The following IL2RA variants were observed in gnomAD, a reference collection of about 807,000 sequenced individuals.
IL2RA encodes the protein interleukin 2 receptor subunit alpha.
Under a neutral mutation model 37.8 loss-of-function variants are expected in IL2RA, and 24 were observed. The ratio of observed to expected loss-of-function variants is 0.63; its 90% confidence interval spans 0.46 to 0.89. The LOEUF (loss-of-function observed/expected upper bound fraction) is 0.89. Among genes scored for constraint, IL2RA ranks in the 40% least tolerant of loss-of-function variants. The pLI is 0.00. For synonymous variants in IL2RA, 125 were observed against 114.6 expected (o/e 1.09, Z -0.58); for missense variants, 319 against 348.6 (o/e 0.92, Z 0.68).
chr10:6,060,774 T>TG (rs1333261619), intron 1 of IL2RA, among the ~76,000 whole-genome samples: 1 of 148,106 alleles, frequency 6.8e-6, no homozygotes. Flanking sequence ...AAAAAAAAAA[T>TG]AAATAAAAAT....
At chr10:6,030,897 A>G (rs1010593038) in intron 1 of IL2RA, among the ~76,000 whole-genome samples, 14 of 152,170 alleles carry the variant, frequency 9.2e-5, no homozygotes, top group African/African-American at 3.4e-4. Context: ...CATATAGAAA[A>G]TGGTACAATA....
At chr10:6,041,227 G>C (rs1276260387) in intron 1 of IL2RA, among the ~76,000 whole-genome samples, 1 of 147,780 alleles carries the variant, frequency 6.8e-6, no homozygotes, top group Admixed American at 7.0e-5. Flanking sequence ...AGGCCATTCT[G>C]CCTCAGTCTC....
At chr10:6,016,066 C>T (rs925614247) in intron 7 of IL2RA, among the ~76,000 whole-genome samples, 7 of 152,152 alleles carry the variant, frequency 4.6e-5, no homozygotes, top group Non-Finnish European at 8.8e-5. Flanking sequence ...AATACATCCC[C>T]CAGAGCTCAG....
At position 6,024,342 on chromosome 10, in the gene IL2RA, G is replaced by A; in HGVS notation, c.269C>T (p.Thr90Ile). The change falls in exon 3 of 8, where the codon ACA becomes ATA. Residue 90 changes from threonine to isoleucine, a missense_variant. Thr to Ile is a moderately conservative substitution (Grantham distance 89). Transcript: ENST00000379959. ...CQCTSSATRN[T>I]TKQVTPQPEE... ...AGGTTGAGGTGTCACTTGTTTCGTTGTGTTCCGAGTGGCTAGAAAATATAG... is the reference window on the plus strand; with the variant it reads ...AGGTTGAGGTGTCACTTGTTTCGTTATGTTCCGAGTGGCTAGAAAATATAG... The A allele has an allele frequency of 1.2e-6, 2 of 1,611,532 alleles. No homozygotes were observed. The highest frequency in any genetic ancestry group is 1.7e-6 in the Non-Finnish European group (2 of 1,177,578).
Position 6,022,535 on chromosome 10 carries a change from C to T in IL2RA, c.368-842G>A, listed in dbSNP as rs1423611614. Among the ~76,000 whole-genome samples, 4 of 152,220 alleles carry T rather than the reference C, an allele frequency of 2.6e-5. No homozygotes were observed. In the East Asian group the frequency reaches 7.7e-4, roughly 29 times the overall value. ...CGCACGTGCTCTGAACTTCCAGACT[C>T]TCCCCAACCCTGCATACCCAACAGA... On this transcript the variant is annotated intron_variant, in intron 3 of 7. Coordinates refer to ENST00000379959, the MANE Select transcript of IL2RA (RefSeq NM_000417.3). The surrounding 1 kb of genome is among the most constrained non-coding windows in gnomAD (Gnocchi z 4.7).
chr10:6,012,145 A>C lies in IL2RA; in HGVS notation c.*727T>G, dbSNP rs1280105926. 1 of 152,590 alleles carries C rather than the reference A, an allele frequency of 6.6e-6. No homozygotes were observed. The highest frequency in any genetic ancestry group is 1.5e-5 in the Non-Finnish European group (1 of 68,266). The allele number at this position is 152,590 out of a possible 1,614,324, so 9.5% of individuals were successfully genotyped here. ...TGCTAAGTATGATTCTCTGCCTGGG[A>C]CCTCATTCATCCTTCTGTTCCTGAC... On this transcript the variant is annotated 3_prime_UTR_variant, in exon 8 of 8. Transcript: ENST00000379959. This position sits in a 1 kb window ranked among gnomAD's most constrained non-coding sequence, Gnocchi z 4.8.
At chr10:6,016,727 C>G (rs1333799138) in intron 7 of IL2RA, among the ~76,000 whole-genome samples, 2 of 152,068 alleles carry the variant, frequency 1.3e-5, no homozygotes, top group African/African-American at 2.4e-5. Flanking sequence ...CACCCACCAC[C>G]ACGCCTGGCT....
intron 1 of IL2RA, among the ~76,000 whole-genome samples, chr10:6,061,799 C>T (rs12722486): frequency 0.044 from 6,688 of 152,250 alleles, 185 homozygotes; most frequent in Middle Eastern, 0.078. Flanking sequence ...CATCGGGACC[C>T]TGTTAACATC....
Position 6,033,428 on chromosome 10 carries a change from A to G in IL2RA, c.65-7403T>C, listed in dbSNP as rs192135334. On this transcript the variant is annotated intron_variant, in intron 1 of 7. Transcript: ENST00000379959. The surrounding 1 kb of genome is among the most constrained non-coding windows in gnomAD (Gnocchi z 4.3). ...GTATTTATCTAAGAGGAATGAAGGG[A>G]TGTGTCTACAGAAAGACTTTTATAA... Among the ~76,000 whole-genome samples the G allele has an allele frequency of 6.6e-6, 1 of 152,194 alleles. No individual in the cohort carries two copies.
rs1175223124 is a variant in IL2RA, at chr10:6,018,042, G to A, written c.794+11C>T. 1 of 1,612,358 alleles carries A rather than the reference G, an allele frequency of 6.2e-7. No individual in the cohort carries two copies. The highest frequency in any genetic ancestry group is 8.5e-7 in the Non-Finnish European group (1 of 1,178,738). On this transcript the variant is annotated intron_variant, in intron 7 of 7. Transcript: ENST00000379959. The surrounding 1 kb of genome is among the most constrained non-coding windows in gnomAD (Gnocchi z 5.1). ...TCTGACCAAGGGCTGCCTTGGTGATGCCACACTTACTGTCTCCGCTGCCAG... is the reference window on the plus strand; with the variant it reads ...TCTGACCAAGGGCTGCCTTGGTGATACCACACTTACTGTCTCCGCTGCCAG...
chr10:6,041,066 T>G lies in IL2RA; in HGVS notation c.65-15041A>C, dbSNP rs1420038074. On this transcript the variant is annotated intron_variant, in intron 1 of 7. Transcript: ENST00000379959. ...AACTGGGAGAGATGTTAATTAACTG[T>G]GGACTTTTAACATCACGAGTACTTT... is the stretch of plus-strand genomic sequence containing the variant. Among the ~76,000 whole-genome samples, 6 of 151,946 alleles carry G rather than the reference T, an allele frequency of 3.9e-5. No individual in the cohort carries two copies. In the East Asian group the frequency reaches 9.7e-4, roughly 24 times the overall value.
intron 1 of IL2RA, among the ~76,000 whole-genome samples, chr10:6,059,985 G>A (rs1477732017): frequency 1.3e-5 from 2 of 152,138 alleles, no homozygotes; most frequent in Non-Finnish European, 2.9e-5. Flanking sequence ...GATAGATGTT[G>A]AGAATGGCGT....
rs182790420 is a variant in IL2RA, at chr10:6,021,257, G to C, written c.583+221C>G. Among the ~76,000 whole-genome samples the C allele has an allele frequency of 6.6e-3, 1,002 of 152,116 alleles. 37 individuals carry two copies. Among genetic ancestry groups the C allele is most frequent in the Non-Finnish European group, 1.4e-3 (94 of 67,994 alleles). Reference sequence around the variant, plus strand: ...TGTCTCCAACCTTTCTCCCCACTCAGGGCACAGGGGGACCTTCATTGAAGG... The same window carrying C: ...TGTCTCCAACCTTTCTCCCCACTCACGGCACAGGGGGACCTTCATTGAAGG... On this transcript the variant is annotated intron_variant, in intron 4 of 7. Transcript: ENST00000379959. This position sits in a 1 kb window ranked among gnomAD's most constrained non-coding sequence, Gnocchi z 4.9.
Position 6,044,195 on chromosome 10 carries a change from C to T in IL2RA, c.64+17893G>A, listed in dbSNP as rs1191381906. On this transcript the variant is annotated intron_variant, in intron 1 of 7. Transcript: ENST00000379959. The surrounding 1 kb of genome is among the most constrained non-coding windows in gnomAD (Gnocchi z 4.5). ...TGGTAGTGATGCAGGACAAGCGAGC[C>T]CCGAGGTGGGGCTTAGCCCGCAAGG... Among the ~76,000 whole-genome samples the T allele has an allele frequency of 6.6e-6, 1 of 152,208 alleles. No homozygotes were observed. Among genetic ancestry groups the T allele is most frequent in the Non-Finnish European group, 1.5e-5 (1 of 68,046 alleles).
chr10:6,015,070 CTTTTTCTTTCTTTTCT>C lies in IL2RA; in HGVS notation c.795-2190_795-2175del, dbSNP rs1402931831. On this transcript the variant is annotated intron_variant, in intron 7 of 7. Coordinates refer to ENST00000379959, the MANE Select transcript of IL2RA (RefSeq NM_000417.3). This position sits in a 1 kb window ranked among gnomAD's most constrained non-coding sequence, Gnocchi z 4.9. ...AGGGAGTTTCTAGAGTTTACTTTTT[CTTTTTCTTTCTTTTCT>C]TTTTTCTTTCTTTCTTTTTTTTTTT... Among the ~76,000 whole-genome samples, 6 of 151,162 alleles carry C rather than the reference CTTTTTCTTTCTTTTCT, an allele frequency of 4.0e-5. No homozygotes were observed. Among genetic ancestry groups the C allele is most frequent in the South Asian group, 2.1e-4 (1 of 4,758 alleles).
At chr10:6,050,219 G>T (rs1202720891) in intron 1 of IL2RA, among the ~76,000 whole-genome samples, 3 of 152,208 alleles carry the variant, frequency 2.0e-5, no homozygotes, top group Admixed American at 6.5e-5. Flanking sequence ...GAGATGAACA[G>T]TGCCTGTTGA....
chr10:6,050,870 G>T (rs1342204631), intron 1 of IL2RA, among the ~76,000 whole-genome samples: 1 of 152,158 alleles, frequency 6.6e-6, no homozygotes, highest in Non-Finnish European at 1.5e-5. Flanking sequence ...AGCAGAGCTT[G>T]AGAGACGCTG....
At chr10:6,050,795 G>A (rs1396389161) in intron 1 of IL2RA, among the ~76,000 whole-genome samples, 1 of 152,186 alleles carries the variant, frequency 6.6e-6, no homozygotes, top group African/African-American at 2.4e-5. Context: ...TGCAGGACGA[G>A]GAGGAGGAGG....
intron 7 of IL2RA, 80 bp downstream of exon 7, chr10:6,017,973 G>C (rs1253218265): frequency 8.2e-6 from 9 of 1,090,910 alleles, no homozygotes; most frequent in Admixed American, 2.0e-5. Flanking sequence ...AGAGCATGGA[G>C]GGGGTAGGGG....
Sources: allele counts gnomAD v4.1 joint callset (sites outside exome capture counted in the v4.1 genomes callset), GRCh38; gene constraint gnomAD v4.1.1; non-coding constraint Gnocchi (gnomAD v3.1); transcripts MANE v1.5; gene names NCBI Gene and HGNC (gene_info 2026-07-23, HGNC 2026-07-21).